SUN1: variants seen among roughly 807,000 people sequenced by gnomAD.
SUN1 encodes SUN domain-containing protein 1.
In SUN1, 61 loss-of-function variants were observed where a neutral mutation model predicts 103.2. That is an observed-to-expected ratio of 0.59 (90% CI 0.48 to 0.73). The LOEUF (loss-of-function observed/expected upper bound fraction) is 0.73, where lower values mean the gene tolerates loss of function less well. Among genes scored for constraint, SUN1 ranks in the 30% least tolerant of loss-of-function variants. The pLI, the probability that SUN1 is intolerant of heterozygous loss-of-function variation, is 0.00. For missense variants in SUN1, 1,052 were observed against 1,034.6 expected (o/e 1.02, Z -0.23); for synonymous variants, 490 against 425.7 (o/e 1.15, Z -1.86).
In SUN1 at chr7:832,591, T is replaced by C. The variant is rs773011374; in HGVS notation, c.67T>C (p.Tyr23His). 1 of 1,611,726 alleles carries C rather than the reference T, an allele frequency of 6.2e-7. No homozygotes were observed. The highest frequency in any genetic ancestry group is 1.3e-5 in the African/African-American group (1 of 74,902). The change falls in exon 1 of 19, where the codon TAT becomes CAT. Residue 23 changes from tyrosine to histidine, a missense_variant. Physicochemically the swap from Tyr to His is moderately conservative, Grantham distance 83. Coordinates refer to ENST00000401592, the MANE Select transcript of SUN1 (RefSeq NM_001130965.3). ...QCVPENTGYT[Y>H]ALSSSYSSDA... The stretch of plus-strand genomic sequence containing the variant: ...TGTGCCGGAGAACACGGGCTACACG[T>C]ATGCGCTCAGGTGAGTGTGCACCTG...
chr7:831,768 T>C (rs547481144), upstream of SUN1, among the ~76,000 whole-genome samples: 1 of 152,358 alleles, frequency 6.6e-6, no homozygotes, highest in South Asian at 2.1e-4. Context: ...GAGGTTCTTT[T>C]AGTTATATCT....
rs1386134462 is a variant in SUN1 at position 854,990 on chromosome 7, T to C, written c.1334T>C (p.Leu445Pro). 4 of 1,612,860 alleles carry C rather than the reference T, an allele frequency of 2.5e-6. No individual in the cohort carries two copies. Among genetic ancestry groups the C allele is most frequent in the Non-Finnish European group, 3.4e-6 (4 of 1,179,454 alleles). Reference protein sequence around the residue: ...MSHLEDILGKLREKSEAIQKE... With the variant: ...MSHLEDILGKPREKSEAIQKE... ...CACTTGGAAGATATTCTGGGAAAACTGAGAGAAAAATCTGAGGTATTTATT... is the reference window on the plus strand; with the variant it reads ...CACTTGGAAGATATTCTGGGAAAACCGAGAGAAAAATCTGAGGTATTTATT... Residue 445 changes from leucine (L) to proline (P), a missense_variant, in exon 11 of 19, where the codon CTG (leucine) becomes CCG (proline). By Grantham distance (98) the Leu-to-Pro change is moderately conservative (BLOSUM62 -3). Transcript: ENST00000401592.
chr7:857,740 G>A (rs1158152210), intron 12 of SUN1, 88 bp from the exon 13 acceptor site: 1 of 1,419,726 alleles, frequency 7.0e-7, no homozygotes, highest in African/African-American at 1.4e-5. Context: ...CCAGGAGTGG[G>A]ATCGGGTTCC....
At chr7:872,373 G>T (rs925238879) in intron 17 of SUN1, 97 bp from the exon 18 acceptor site, 2 of 959,024 alleles carry the variant, frequency 2.1e-6, no homozygotes, top group African/African-American at 3.3e-5. Flanking sequence ...GAGGGAAACG[G>T]TCCTGTTTGC....
upstream of SUN1, chr7:832,185 C>A: frequency 1.2e-6 from 1 of 806,754 alleles, no homozygotes; most frequent in Non-Finnish European, 1.6e-6. Flanking sequence ...AAAAACACAT[C>A]TTGAAGAGAG....
chr7:842,238 G>A, intron 3 of SUN1, 108 bp downstream of exon 3: 7 of 1,223,112 alleles, frequency 5.7e-6, no homozygotes, highest in South Asian at 1.5e-5. Flanking sequence ...CATGGATTAT[G>A]CTAGGGAGAG....
At chr7:834,791 G>C (rs1055320476) in intron 1 of SUN1, among the ~76,000 whole-genome samples, 1 of 151,848 alleles carries the variant, frequency 6.6e-6, no homozygotes. Context: ...TTTCTCTTTT[G>C]GGGGCCAGGC....
At position 851,465 on chromosome 7, in the gene SUN1, T is replaced by C. The variant is rs1233200646; in HGVS notation, c.740T>C (p.Leu247Pro). ...VSRTAWSALWLAVVAPGKAAS... is the reference protein window; with the variant it reads ...VSRTAWSALWPAVVAPGKAAS... ...AGGACGGCGTGGTCGGCCCTTTGGC[T>C]GGCCGTGGTTGCTCCAGGTGGCTAT... Residue 247 changes from leucine to proline, a missense_variant, in exon 6 of 19, where the codon CTG becomes CCG. Physicochemically the swap from Leu to Pro is moderately conservative, Grantham distance 98 (BLOSUM62 -3). Around this residue, in one of 2 missense-constraint regions of SUN1, gnomAD observed 846 missense variants for 774.5 expected, o/e 1.09. Coordinates refer to ENST00000401592, the MANE Select transcript of SUN1 (RefSeq NM_001130965.3). 10 of 1,607,186 alleles carry C rather than the reference T, an allele frequency of 6.2e-6. No individual in the cohort carries two copies. The highest frequency in any genetic ancestry group is 7.6e-6 in the Non-Finnish European group (9 of 1,176,790).
intron 11 of SUN1, among the ~76,000 whole-genome samples, chr7:855,663 A>G (rs1362715539): frequency 1.3e-5 from 2 of 152,320 alleles, no homozygotes; most frequent in East Asian, 3.9e-4. Flanking sequence ...CTGTGAGATC[A>G]GGCAGGTTTA....
intron 5 of SUN1, among the ~76,000 whole-genome samples, chr7:845,249 G>A (rs556305103): frequency 1.3e-5 from 2 of 152,358 alleles, no homozygotes; most frequent in Non-Finnish European, 2.9e-5. Flanking sequence ...AGGCGTTGGT[G>A]TGGTGTGGAT....
intron 17 of SUN1, among the ~76,000 whole-genome samples, chr7:871,031 C>A (rs530901500): frequency 1.3e-5 from 2 of 151,796 alleles, no homozygotes; most frequent in African/African-American, 4.8e-5. Flanking sequence ...GCTGGGATTA[C>A]AGGCGCGTGC....
chr7:817,219 C>T (rs1350131107), intron 1 of SUN1: 2 of 585,654 alleles, frequency 3.4e-6, no homozygotes, highest in Non-Finnish European at 3.0e-6. Flanking sequence ...CTCCGCCTCC[C>T]GAAGCGCTCG....
At chr7:833,780 T>TTTAG (rs1241816562) in intron 1 of SUN1, among the ~76,000 whole-genome samples, 5 of 152,212 alleles carry the variant, frequency 3.3e-5, no homozygotes, top group Non-Finnish European at 5.9e-5. Context: ...CACACTCTGT[T>TTTAG]TTCTAAGAGT....
At chr7:851,600 G>A in intron 6 of SUN1, 118 bp downstream of exon 6, 2 of 874,864 alleles carry the variant, frequency 2.3e-6, no homozygotes. Context: ...TTTGACCCTT[G>A]GCGTAACGTG....
rs1825883937 is a variant in SUN1, at chr7:855,100, T to C, written c.1350+94T>C. ...CCTTTGGTCATTTAATGTTCCTCTT[T>C]TTAGGCTATTTGCTGTTTGTTTTGT... On this transcript the variant is annotated intron_variant, in intron 11 of 18. Transcript: ENST00000401592. The C allele has an allele frequency of 6.3e-6, 6 of 946,064 alleles. No individual in the cohort carries two copies. In the South Asian group the frequency reaches 9.3e-5, roughly 15 times the overall value. 58.6% of individuals were successfully genotyped at this position (946,064 alleles called of 1,614,324 possible).
chr7:845,856 A>G (rs140772599), intron 5 of SUN1, among the ~76,000 whole-genome samples: 1 of 152,252 alleles, frequency 6.6e-6, no homozygotes, highest in Non-Finnish European at 1.5e-5. Context: ...ATAACATGAA[A>G]TGAACCATTA....
intron 13 of SUN1, among the ~76,000 whole-genome samples, chr7:858,500 G>T (rs74344123): frequency 6.6e-6 from 1 of 152,092 alleles, no homozygotes; most frequent in Non-Finnish European, 1.5e-5. Context: ...CCCACCATGC[G>T]TCTTCCCAGT....
At chr7:832,456 G>C (rs745652699), upstream of SUN1, 2 of 1,508,126 alleles carry the variant, frequency 1.3e-6, no homozygotes, top group African/African-American at 1.4e-5. Context: ...GAATGCGCTC[G>C]ATTTCCTGCC....
intron 5 of SUN1, chr7:850,028 G>A: frequency 6.3e-7 from 1 of 1,587,584 alleles, no homozygotes; most frequent in East Asian, 2.3e-5. Context: ...ATCTGGGCAT[G>A]TGCAGGTTGT....
Sources: gnomAD v4.1 joint callset for allele counts (sites outside exome capture counted in the v4.1 genomes callset) on GRCh38, gnomAD v4.1.1 for gene constraint, gnomAD v4.1.1 regional missense constraint, MANE v1.5 for transcripts, NCBI Gene and HGNC (gene_info 2026-07-23, HGNC 2026-07-21) for gene names.